Variants in WSCD1 observed in about 807,000 individuals in gnomAD.
WSCD1 encodes the protein sialate:O-sulfotransferase 1.
Under a neutral mutation model 60.4 loss-of-function variants are expected in WSCD1, and 41 were observed. That is an observed-to-expected ratio of 0.68 (90% CI 0.53 to 0.88). The LOEUF (loss-of-function observed/expected upper bound fraction) is 0.88, where lower values mean the gene tolerates loss of function less well. Ranked by LOEUF, WSCD1 falls within the 40% of genes least tolerant of loss-of-function variation. WSCD1 has a pLI of 0.00. For synonymous variants in WSCD1, 361 were observed against 332.5 expected (o/e 1.09, Z -0.93); for missense variants, 784 against 796.2 (o/e 0.98, Z 0.18).
chr17:6,081,725 A>G (rs947137277), intron 2 of WSCD1, among the ~76,000 whole-genome samples: 49 of 152,072 alleles, frequency 3.2e-4, no homozygotes, highest in Non-Finnish European at 6.3e-4. Flanking sequence ...AAAAAAAAAA[A>G]TTAGACGTGT....
chr17:6,094,990 C>G, intron 4 of WSCD1, 112 bp from the exon 5 acceptor site: 1 of 1,481,374 alleles, frequency 6.8e-7, no homozygotes, highest in Non-Finnish European at 9.0e-7. Context: ...TTGAACTCGC[C>G]TCGTAAGTTT....
chr17:6,087,920 C>G, intron 2 of WSCD1, 70 bp from the exon 3 acceptor site: 1 of 1,321,838 alleles, frequency 7.6e-7, no homozygotes, highest in South Asian at 1.3e-5. Flanking sequence ...CAGAGGTTCC[C>G]CTGGCTTTTC....
At chr17:6,096,148 C>A (rs1349306066) in intron 5 of WSCD1, among the ~76,000 whole-genome samples, 1 of 152,214 alleles carries the variant, frequency 6.6e-6, no homozygotes, top group Non-Finnish European at 1.5e-5. Context: ...ATCCTCCTAA[C>A]AACCCTACAG....
chr17:6,107,075 C>T (rs909489410), intron 5 of WSCD1, among the ~76,000 whole-genome samples: 4 of 152,164 alleles, frequency 2.6e-5, no homozygotes, highest in African/African-American at 4.8e-5. Flanking sequence ...TGGTTTCTTC[C>T]GAGGCCTCCC....
chr17:6,094,496 G>C (rs1321180139), intron 4 of WSCD1, among the ~76,000 whole-genome samples: 1 of 151,906 alleles, frequency 6.6e-6, no homozygotes, highest in Non-Finnish European at 1.5e-5. Flanking sequence ...CCTACCATGG[G>C]AGGAATCTGG....
At chr17:6,114,460 ATAAT>A (rs147405515) in intron 7 of WSCD1, among the ~76,000 whole-genome samples, 5,035 of 152,200 alleles carry the variant, frequency 0.033, 134 homozygotes, top group Non-Finnish European at 0.048. Flanking sequence ...ACAGTTGACA[ATAAT>A]TGATTGTATG....
intron 5 of WSCD1, among the ~76,000 whole-genome samples, chr17:6,107,739 T>G (rs1427804062): frequency 1.3e-5 from 2 of 151,042 alleles, no homozygotes; most frequent in Non-Finnish European, 3.0e-5. Flanking sequence ...GAGGGTTTTG[T>G]GATAGAGGGT....
intron 7 of WSCD1, among the ~76,000 whole-genome samples, chr17:6,115,514 CA>C (rs56222619): frequency 0.23 from 35,480 of 152,076 alleles, 4,810 homozygotes; most frequent in Non-Finnish European, 0.31. Context: ...TCAAATTTGG[CA>C]AAAATGTATT....
At chr17:6,074,361 T>C (rs980890077) in intron 1 of WSCD1, among the ~76,000 whole-genome samples, 2 of 152,214 alleles carry the variant, frequency 1.3e-5, no homozygotes, top group East Asian at 3.8e-4. Flanking sequence ...GACCCAGAGT[T>C]GTTAGGCCTG....
chr17:6,069,391 G>GTA (rs1908376123), upstream of WSCD1: 1 of 213,620 alleles, frequency 4.7e-6, no homozygotes, highest in Admixed American at 8.9e-5. Flanking sequence ...ACCTCGGTGC[G>GTA]TGTGTGTGTG....
chr17:6,079,849 C>T (rs1016664000), intron 1 of WSCD1, among the ~76,000 whole-genome samples: 35 of 152,172 alleles, frequency 2.3e-4, no homozygotes, highest in Middle Eastern at 3.2e-3. Flanking sequence ...GTCCAGGCTC[C>T]GAACACAGAC....
At chr17:6,098,648 G>C (rs79598567) in intron 5 of WSCD1, among the ~76,000 whole-genome samples, 12 of 152,224 alleles carry the variant, frequency 7.9e-5, no homozygotes, top group African/African-American at 2.9e-4. Flanking sequence ...CTGCCTCTGC[G>C]TGGTCAGATG....
rs1567552531 is a variant in WSCD1 at position 6,088,031 on chromosome 17, A to C, written c.469A>C (p.Thr157Pro). The C allele has an allele frequency of 1.9e-6, 3 of 1,614,034 alleles. No individual in the cohort carries two copies. Among genetic ancestry groups the C allele is most frequent in the Non-Finnish European group, 2.5e-6 (3 of 1,180,006 alleles). The change falls in exon 3 of 9, where the codon ACT becomes CCT. Residue 157 changes from threonine to proline, a missense_variant. By Grantham distance (38) the Thr-to-Pro change is conservative. Transcript: ENST00000317744. The part of the protein sequence containing the change: ...GCFSDDGHER[T>P]LKGAVFYDLR... Reference sequence around the variant, plus strand: ...CTTCAGTGACGATGGCCACGAGAGGACTCTGAAAGGAGCTGTGTTTTATGA... The same window carrying C: ...CTTCAGTGACGATGGCCACGAGAGGCCTCTGAAAGGAGCTGTGTTTTATGA...
rs4588031 is a variant in WSCD1 at position 6,123,008 on chromosome 17, T to C, written c.*2347T>C. 1 of 152,262 alleles carries C rather than the reference T, an allele frequency of 6.6e-6. No individual in the cohort carries two copies. The highest frequency in any genetic ancestry group is 6.5e-5 in the Admixed American group (1 of 15,288). 9.4% of individuals were successfully genotyped at this position (152,262 alleles called of 1,614,324 possible). A position where few individuals can be genotyped will look rare whatever the true frequency, so the allele number is the denominator to read the frequency against. On this transcript the variant is annotated 3_prime_UTR_variant, in exon 9 of 9. Coordinates refer to ENST00000317744, the MANE Select transcript of WSCD1 (RefSeq NM_015253.2). ...GTCCTCACAGCCTTCATCCCAGGTC[T>C]GCCTACGTGGGAGATCTCATCAGAA...
intron 5 of WSCD1, among the ~76,000 whole-genome samples, chr17:6,107,212 C>T (rs1171629732): frequency 6.6e-6 from 1 of 152,168 alleles, no homozygotes; most frequent in Non-Finnish European, 1.5e-5. Context: ...AGGGCCTACC[C>T]TGATGGCCTC....
intron 2 of WSCD1, among the ~76,000 whole-genome samples, chr17:6,082,681 C>G (rs1412383641): frequency 1.3e-5 from 2 of 152,082 alleles, no homozygotes; most frequent in East Asian, 1.9e-4. Context: ...GCCCTGCACC[C>G]GAAGTCAGAA....
chr17:6,087,525 T>C (rs1909734842), intron 2 of WSCD1, among the ~76,000 whole-genome samples: 1 of 152,238 alleles, frequency 6.6e-6, no homozygotes, highest in Non-Finnish European at 1.5e-5. Flanking sequence ...TTAAATTTGC[T>C]AAAATCAAAC....
intron 5 of WSCD1, among the ~76,000 whole-genome samples, chr17:6,098,611 A>C (rs1482275478): frequency 6.6e-6 from 1 of 152,236 alleles, no homozygotes; most frequent in Non-Finnish European, 1.5e-5. Context: ...CACTGGAGCC[A>C]GTGCTGACAC....
At chr17:6,111,201 A>G (rs1911390026) in intron 7 of WSCD1, among the ~76,000 whole-genome samples, 1 of 152,250 alleles carries the variant, frequency 6.6e-6, no homozygotes, top group Non-Finnish European at 1.5e-5. Context: ...TGCAGACACC[A>G]CTGATATTGA....
Sources: gnomAD v4.1 joint callset for allele counts (sites outside exome capture counted in the v4.1 genomes callset) on GRCh38, gnomAD v4.1.1 for gene constraint, MANE v1.5 for transcripts, NCBI Gene and HGNC (gene_info 2026-07-23, HGNC 2026-07-21) for gene names.